The following APLP2 variants were observed in gnomAD, a reference collection of about 807,000 sequenced individuals.
The protein encoded by APLP2 is amyloid beta precursor like protein 2, also known as CDEI box-binding protein.
APLP2 carries 53 observed loss-of-function variants against 89.9 expected under a neutral mutation model. The ratio of observed to expected loss-of-function variants is 0.59; its 90% confidence interval spans 0.47 to 0.74. The LOEUF is 0.74. Among genes scored for constraint, APLP2 ranks in the 30% least tolerant of loss-of-function variants. The pLI, the probability that APLP2 is intolerant of heterozygous loss-of-function variation, is 0.00. For synonymous variants in APLP2, 372 were observed against 348.6 expected, an observed-to-expected ratio of 1.07 and a Z score of -0.75; for missense variants, 973 against 975.9, an observed-to-expected ratio of 1.00 and a Z score of 0.04.
chr11:130,069,983 G>GGCCACCGGGACCGCGGCCGCCGCA lies in APLP2; in HGVS notation c.12_35dup (p.Thr6_Gly13dup), dbSNP rs1378398499. 4.0e-6 allele frequency: 6 copies of GGCCACCGGGACCGCGGCCGCCGCA among 1,504,862 alleles called. No homozygotes were observed. The African/African-American group carries it at 8.6e-5, about 21-fold the overall frequency. 93.2% of individuals were successfully genotyped at this position (1,504,862 alleles called of 1,614,324 possible). On this transcript the variant is annotated inframe_insertion, in exon 1 of 17. Coordinates refer to ENST00000338167, the MANE Select transcript of APLP2 (RefSeq NM_001142276.2). ...CTAGAGCGACCCGGCGAGGGATGGC[G>GGCCACCGGGACCGCGGCCGCCGCA]GCCACCGGGACCGCGGCCGCCGCAG... is the stretch of plus-strand genomic sequence containing the variant.
At chr11:130,093,784 C>T (rs970262189) in intron 1 of APLP2, among the ~76,000 whole-genome samples, 6 of 152,032 alleles carry the variant, frequency 3.9e-5, no homozygotes, top group African/African-American at 1.2e-4. Flanking sequence ...CACTTTGTTG[C>T]TCAGGCTGGA....
At chr11:130,118,595 A>G (rs1485101855) in intron 3 of APLP2, among the ~76,000 whole-genome samples, 1 of 152,226 alleles carries the variant, frequency 6.6e-6, no homozygotes, top group African/African-American at 2.4e-5. Flanking sequence ...GAATAATCAC[A>G]TTAAACCATG....
chr11:130,135,677 ACC>A lies in APLP2; in HGVS notation c.1802_1803del (p.Pro601LeufsTer9), dbSNP rs1233757793. On this transcript the variant is annotated frameshift_variant, in exon 13 of 17. Transcript: ENST00000338167. LOFTEE classifies it high-confidence loss of function. ...GAGAGTGAGGAGATCCCACCGTTCC[ACC>A]CCTTCCACCCCTTCCCAGCCCTACC... 1 of 1,612,218 alleles carries A rather than the reference ACC, an allele frequency of 6.2e-7. No individual in the cohort carries two copies. Among genetic ancestry groups the A allele is most frequent in the Non-Finnish European group, 8.5e-7 (1 of 1,179,920 alleles).
chr11:130,102,297 G>A (rs1389716910), intron 1 of APLP2, among the ~76,000 whole-genome samples: 2 of 152,166 alleles, frequency 1.3e-5, no homozygotes, highest in Non-Finnish European at 2.9e-5. Flanking sequence ...GAACAAGAGC[G>A]TCGTACCTTT....
chr11:130,076,128 G>A (rs1476943558), intron 1 of APLP2, among the ~76,000 whole-genome samples: 1 of 152,184 alleles, frequency 6.6e-6, no homozygotes, highest in Non-Finnish European at 1.5e-5. Context: ...AGGCTGGAGT[G>A]CAGTGGTGCC....
intron 1 of APLP2, among the ~76,000 whole-genome samples, chr11:130,089,569 A>G (rs1311257753): frequency 2.0e-5 from 3 of 152,190 alleles, no homozygotes; most frequent in Non-Finnish European, 2.9e-5. Flanking sequence ...TGCTCCCTAA[A>G]TACACATGTT....
chr11:130,141,644 C>A lies in APLP2; in HGVS notation c.1998+72C>A. Reference sequence around the variant, plus strand: ...ATTTCTCCTCTGGACCTTCTCAGTTCAAGTAGAAAACGGGAGAGATGCCTG... The same window carrying A: ...ATTTCTCCTCTGGACCTTCTCAGTTAAAGTAGAAAACGGGAGAGATGCCTG... On this transcript the variant is annotated intron_variant, in intron 15 of 16. Transcript: ENST00000338167. This position sits in a 1 kb window ranked among gnomAD's most constrained non-coding sequence, Gnocchi z 4.2. 2 of 1,398,108 alleles carry A rather than the reference C, an allele frequency of 1.4e-6. No individual in the cohort carries two copies. The highest frequency in any genetic ancestry group is 2.0e-6 in the Non-Finnish European group (2 of 992,000). 86.6% of individuals were successfully genotyped at this position (1,398,108 alleles called of 1,614,324 possible). A position where few individuals can be genotyped will look rare whatever the true frequency, so the allele number is the denominator to read the frequency against.
chr11:130,074,269 G>T (rs953830486), intron 1 of APLP2, among the ~76,000 whole-genome samples: 1 of 152,120 alleles, frequency 6.6e-6, no homozygotes, highest in African/African-American at 2.4e-5. Flanking sequence ...AGGCTGGAGT[G>T]CACTGGCATG....
At chr11:130,113,141 C>T (rs1188306427) in intron 3 of APLP2, among the ~76,000 whole-genome samples, 1 of 152,224 alleles carries the variant, frequency 6.6e-6, no homozygotes, top group Non-Finnish European at 1.5e-5. Context: ...ACCTTGCCAG[C>T]AGCGACCCTG....
At chr11:130,120,904 A>AT (rs1949736459) in intron 4 of APLP2, 86 bp downstream of exon 4, 1 of 923,436 alleles carries the variant, frequency 1.1e-6, no homozygotes, top group Non-Finnish European at 1.8e-6. Context: ...CCATGCTTTT[A>AT]AGTTAGTTAT....
Position 130,140,418 on chromosome 11 carries a change from G to A in APLP2, c.1858G>A (p.Asp620Asn), listed in dbSNP as rs3740881. 19,083 of 1,610,400 alleles carry A rather than the reference G, an allele frequency of 0.012. 1,143 individuals carry two copies. The African/African-American group carries it at 0.17, about 14-fold the overall frequency. The part of the protein sequence containing the change: ...ENEGSGVGEQ[D>N]GGLIGAEEKV... ...CACAGGATCTGGAGTGGGAGAGCAG[G>A]ATGGGGGACTGATCGGTGCCGAAGA... Residue 620 changes from aspartate to asparagine, a missense_variant, in exon 14 of 17, where the codon GAT (aspartate) becomes AAT (asparagine). Transcript: ENST00000338167.
At chr11:130,115,832 T>G (rs1949097232) in intron 3 of APLP2, among the ~76,000 whole-genome samples, 1 of 152,238 alleles carries the variant, frequency 6.6e-6, no homozygotes, top group Non-Finnish European at 1.5e-5. Flanking sequence ...GAGCGGATGC[T>G]GGGATTGAAA....
intron 1 of APLP2, among the ~76,000 whole-genome samples, chr11:130,071,987 T>C (rs1050125288): frequency 6.6e-6 from 1 of 152,202 alleles, no homozygotes; most frequent in Non-Finnish European, 1.5e-5. Context: ...AGGATGTCTT[T>C]GGGAAGGCCC....
intron 1 of APLP2, among the ~76,000 whole-genome samples, chr11:130,091,457 C>T (rs1343490411): frequency 7.5e-6 from 1 of 134,208 alleles, no homozygotes; most frequent in Admixed American, 7.0e-5. Flanking sequence ...AGAGGCGCCC[C>T]TCACCTCCCA....
At chr11:130,084,446 T>G (rs10894176) in intron 1 of APLP2, among the ~76,000 whole-genome samples, 1 of 152,022 alleles carries the variant, frequency 6.6e-6, no homozygotes, top group African/African-American at 2.4e-5. Context: ...TTTGTTGACA[T>G]CCTTTGCGTC....
At chr11:130,135,833 G>A in intron 13 of APLP2, 118 bp downstream of exon 13, 1 of 1,274,070 alleles carries the variant, frequency 7.8e-7, no homozygotes, top group Non-Finnish European at 1.1e-6. Flanking sequence ...CGAGAGTCAG[G>A]GGAAGGGAGA....
chr11:130,096,074 C>T (rs982622925), intron 1 of APLP2, among the ~76,000 whole-genome samples: 1 of 152,164 alleles, frequency 6.6e-6, no homozygotes, highest in Non-Finnish European at 1.5e-5. Flanking sequence ...CACGGAATGC[C>T]CCTTTGAGCA....
At chr11:130,103,729 T>G (rs1947256649) in intron 1 of APLP2, among the ~76,000 whole-genome samples, 1 of 152,234 alleles carries the variant, frequency 6.6e-6, no homozygotes, top group Non-Finnish European at 1.5e-5. Context: ...ATGTAACTAA[T>G]TACTGTTTCT....
intron 1 of APLP2, among the ~76,000 whole-genome samples, chr11:130,095,685 T>G (rs1468864076): frequency 6.6e-6 from 1 of 152,166 alleles, no homozygotes; most frequent in Non-Finnish European, 1.5e-5. Context: ...AAAATTAAAA[T>G]TAAGAGAATG....
Sources: allele counts gnomAD v4.1 joint callset (sites outside exome capture counted in the v4.1 genomes callset), GRCh38; gene constraint gnomAD v4.1.1; non-coding constraint Gnocchi (gnomAD v3.1); transcripts MANE v1.5; gene names NCBI Gene and HGNC (gene_info 2026-07-23, HGNC 2026-07-21).